Variants in STAU1 observed in about 807,000 individuals in gnomAD.
STAU1 encodes the protein staufen double-stranded RNA binding protein 1, also known as double-stranded RNA-binding protein Staufen homolog 1.
In STAU1, 13 loss-of-function variants were observed where a neutral mutation model predicts 62.9. That is an observed-to-expected ratio of 0.21 (90% CI 0.13 to 0.33). STAU1 has a LOEUF of 0.33. STAU1 is among the 10% of genes least tolerant of loss of function. The probability of loss-of-function intolerance (pLI) is 1.00; values close to 1 mark genes in which losing one functional copy is unlikely to be tolerated. For missense variants in STAU1, 571 were observed against 712.1 expected (o/e 0.80, Z 2.25); for synonymous variants, 269 against 265.1 (o/e 1.01, Z -0.14).
At chr20:49,195,430 C>T in the STAU1 span, among the ~76,000 whole-genome samples, 2 of 144,384 alleles carry the variant, frequency 1.4e-5, no homozygotes, top group Non-Finnish European at 1.5e-5. Context: ...CCCAGCTACT[C>T]GGGAGGCTGA....
chr20:49,141,262 A>T (rs1014380994), intron 5 of STAU1, among the ~76,000 whole-genome samples: 5 of 152,208 alleles, frequency 3.3e-5, no homozygotes, highest in Non-Finnish European at 5.9e-5. Context: ...ATAGTTAAGT[A>T]CTACTGACGT....
intron 5 of STAU1, among the ~76,000 whole-genome samples, chr20:49,144,005 G>A (rs558592643): frequency 6.6e-6 from 1 of 152,304 alleles, no homozygotes; most frequent in Admixed American, 6.5e-5. Context: ...TCGTGTACTG[G>A]CACTGTCAAA....
the STAU1 span, among the ~76,000 whole-genome samples, chr20:49,195,772 A>G: frequency 6.6e-6 from 1 of 150,458 alleles, no homozygotes; most frequent in East Asian, 2.0e-4. Context: ...GCATGGTGGC[A>G]CATGCCTGTA....
chr20:49,142,495 A>T (rs2093031806), intron 5 of STAU1, among the ~76,000 whole-genome samples: 2 of 152,180 alleles, frequency 1.3e-5, no homozygotes, highest in Non-Finnish European at 2.9e-5. Context: ...CAATGGGTCT[A>T]CTGCTCCGTT....
chr20:49,136,278 G>T (rs963609658), intron 5 of STAU1, among the ~76,000 whole-genome samples: 1 of 152,164 alleles, frequency 6.6e-6, no homozygotes, highest in Non-Finnish European at 1.5e-5. Context: ...ACTCCAGCCT[G>T]GGTGACACAG....
chr20:49,139,762 A>G (rs1274294102), intron 5 of STAU1, among the ~76,000 whole-genome samples: 1 of 152,080 alleles, frequency 6.6e-6, no homozygotes, highest in African/African-American at 2.4e-5. Flanking sequence ...TACCACTCAC[A>G]CCCATAAGGA....
intron 1 of STAU1, among the ~76,000 whole-genome samples, chr20:49,182,368 C>G (rs1281087658): frequency 2.6e-5 from 4 of 152,198 alleles, no homozygotes; most frequent in African/African-American, 4.8e-5. Context: ...TTTTCTAGTT[C>G]AGAGCATTAA....
At chr20:49,214,147 G>A in the STAU1 span, among the ~76,000 whole-genome samples, 16 of 152,148 alleles carry the variant, frequency 1.1e-4, no homozygotes, top group South Asian at 2.1e-4. Flanking sequence ...AGGAGGCAGA[G>A]GTTGCAATGA....
chr20:49,119,478 A>G (rs536203357), intron 9 of STAU1, among the ~76,000 whole-genome samples: 1 of 152,284 alleles, frequency 6.6e-6, no homozygotes, highest in East Asian at 1.9e-4. Flanking sequence ...TCAACAGGGG[A>G]TTATTTTCAT....
chr20:49,148,646 A>G (rs1281084571), intron 5 of STAU1, among the ~76,000 whole-genome samples: 2 of 152,242 alleles, frequency 1.3e-5, no homozygotes, highest in Non-Finnish European at 2.9e-5. Flanking sequence ...AAGAAACGCC[A>G]AAGGGCACAA....
chr20:49,172,881 ATTT>A (rs1156864554), intron 2 of STAU1, among the ~76,000 whole-genome samples: 3 of 141,486 alleles, frequency 2.1e-5, no homozygotes, highest in East Asian at 4.1e-4. Context: ...ATGATAATAC[ATTT>A]TTTTTTTTTT....
intron 1 of STAU1, among the ~76,000 whole-genome samples, chr20:49,178,758 A>G (rs550545417): frequency 2.7e-5 from 4 of 148,428 alleles, no homozygotes; most frequent in African/African-American, 9.9e-5. Flanking sequence ...TTCAAAAATA[A>G]AATAAAATAA....
intron 6 of STAU1, among the ~76,000 whole-genome samples, chr20:49,131,824 C>A (rs112778626): frequency 1.4e-5 from 2 of 138,466 alleles, no homozygotes; most frequent in African/African-American, 5.4e-5. Context: ...GCCTGGGCAA[C>A]AGAGTTAGGC....
chr20:49,127,674 C>A (rs929817096), intron 6 of STAU1, among the ~76,000 whole-genome samples: 2 of 151,718 alleles, frequency 1.3e-5, no homozygotes, highest in South Asian at 2.1e-4. Flanking sequence ...CCATTGCATT[C>A]CAGCCCGGAT....
intron 2 of STAU1, among the ~76,000 whole-genome samples, chr20:49,169,249 C>G (rs1003002232): frequency 9.2e-5 from 14 of 152,124 alleles, no homozygotes; most frequent in Admixed American, 7.9e-4. Flanking sequence ...TGCGCCTGGC[C>G]TGATGCTAAT....
At chr20:49,134,081 A>C (rs1041657008) in intron 6 of STAU1, among the ~76,000 whole-genome samples, 11 of 152,306 alleles carry the variant, frequency 7.2e-5, no homozygotes, top group African/African-American at 2.4e-4. Context: ...AAATCAAAAG[A>C]ATCTGCAAAG....
At chr20:49,182,415 C>T (rs760537510) in intron 1 of STAU1, among the ~76,000 whole-genome samples, 3 of 152,138 alleles carry the variant, frequency 2.0e-5, no homozygotes, top group Non-Finnish European at 2.9e-5. Context: ...CCATCCATCC[C>T]GTGGCATTTG....
chr20:49,121,803 A>G (rs2092471035), intron 8 of STAU1, among the ~76,000 whole-genome samples: 1 of 152,330 alleles, frequency 6.6e-6, no homozygotes, highest in South Asian at 2.1e-4. Context: ...TCCCCGAAGA[A>G]GAGCTGGTTG....
intron 2 of STAU1, 96 bp from the exon 3 acceptor site, chr20:49,166,381 T>C (rs148710107): frequency 3.7e-5 from 22 of 596,798 alleles, no homozygotes; most frequent in Non-Finnish European, 5.6e-5. Flanking sequence ...TACTGACTTA[T>C]GAAAATAGCT....
Sources: gnomAD v4.1 joint callset for allele counts (sites outside exome capture counted in the v4.1 genomes callset) on GRCh38, gnomAD v4.1.1 for gene constraint, MANE v1.5 for transcripts, NCBI Gene and HGNC (gene_info 2026-07-23, HGNC 2026-07-21) for gene names.